The following DTL variants were observed in gnomAD, a reference collection of about 807,000 sequenced individuals.
DTL encodes the protein denticleless E3 ubiquitin protein ligase adapter, also known as denticleless protein homolog.
A neutral mutation model predicts 87.0 loss-of-function variants in DTL; 46 were observed. The observed-to-expected ratio is 0.53, with a 90% confidence interval of 0.42 to 0.68. DTL has a LOEUF of 0.68. Ranked by LOEUF, DTL falls within the 30% of genes least tolerant of loss-of-function variation. The probability of loss-of-function intolerance (pLI) is 0.00; values close to 1 mark genes in which losing one functional copy is unlikely to be tolerated. For missense variants in DTL, 737 were observed against 869.4 expected (o/e 0.85, Z 1.91); for synonymous variants, 308 against 311.2 (o/e 0.99, Z 0.11).
chr1:212,041,982 TATGTCAGGCTAAG>T (rs1042989674), intron 1 of DTL, among the ~76,000 whole-genome samples: 1 of 152,216 alleles, frequency 6.6e-6, no homozygotes, highest in African/African-American at 2.4e-5. Context: ...TGTCTGAGGT[TATGTCAGGCTAAG>T]ATGTATTCTC....
rs550936117 is a variant in DTL, at chr1:212,058,887, C to T, written c.461-3997C>T. On this transcript the variant is annotated intron_variant, in intron 5 of 14. Coordinates refer to ENST00000366991, the MANE Select transcript of DTL (RefSeq NM_016448.4). ...CTGATAATACAGAAATACAAAAGATCATCAGAAACTATTGTGTACAACTAT... is the reference window on the plus strand; with the variant it reads ...CTGATAATACAGAAATACAAAAGATTATCAGAAACTATTGTGTACAACTAT... 3.3e-5 allele frequency among the ~76,000 whole-genome samples: 5 copies of T among 151,970 alleles called. No homozygotes were observed. The East Asian group carries it at 7.7e-4, about 24-fold the overall frequency.
rs552470329 is a variant in DTL, at chr1:212,103,643, A to G, written c.*703A>G. The G allele has an allele frequency of 6.6e-6, 1 of 152,290 alleles. No homozygotes were observed. The highest frequency in any genetic ancestry group is 6.5e-5 in the Admixed American group (1 of 15,288). The allele number at this position is 152,290 out of a possible 1,614,324, so 9.4% of individuals were successfully genotyped here. On this transcript the variant is annotated 3_prime_UTR_variant, in exon 15 of 15. Coordinates refer to ENST00000366991, the MANE Select transcript of DTL (RefSeq NM_016448.4). The stretch of plus-strand genomic sequence containing the variant: ...TTTTTCTCTCAAATATATCTCCCGT[A>G]TGAGATTTCAGGTCCCCATGTTTTC...
intron 10 of DTL, among the ~76,000 whole-genome samples, chr1:212,069,727 G>A (rs963546172): frequency 6.6e-6 from 1 of 151,820 alleles, no homozygotes; most frequent in Non-Finnish European, 1.5e-5. Flanking sequence ...TGTATTTTTA[G>A]TAAAGGCAGG....
chr1:212,063,032 G>A, intron 6 of DTL, 83 bp downstream of exon 6: 4 of 1,045,776 alleles, frequency 3.8e-6, no homozygotes, highest in Non-Finnish European at 5.9e-6. Flanking sequence ...GATTTCATCT[G>A]ATTACCACCA....
intron 11 of DTL, among the ~76,000 whole-genome samples, chr1:212,072,849 C>T (rs370892225): frequency 5.3e-5 from 8 of 151,278 alleles, no homozygotes; most frequent in African/African-American, 1.7e-4. Flanking sequence ...CTGCAAGCTC[C>T]GCCTCCCAGG....
At chr1:212,070,146 C>T (rs1045688972) in intron 10 of DTL, among the ~76,000 whole-genome samples, 12 of 152,130 alleles carry the variant, frequency 7.9e-5, no homozygotes, top group African/African-American at 2.9e-4. Flanking sequence ...ATCAGATGTA[C>T]AAGAGCTCTT....
intron 8 of DTL, 66 bp downstream of exon 8, chr1:212,066,951 A>G (rs1571959751): frequency 1.5e-6 from 2 of 1,319,386 alleles, no homozygotes; most frequent in South Asian, 2.4e-5. Flanking sequence ...AGGCAGTCAC[A>G]TAGTCTCATT....
rs569246498 is a variant in DTL, at chr1:212,102,687, C to T, written c.2095-155C>T. Among the ~76,000 whole-genome samples the T allele has an allele frequency of 3.9e-5, 6 of 152,278 alleles. No homozygotes were observed. In the South Asian group the frequency reaches 1.2e-3, roughly 32 times the overall value. On this transcript the variant is annotated intron_variant, in intron 14 of 14. Coordinates refer to ENST00000366991, the MANE Select transcript of DTL (RefSeq NM_016448.4). ...AGTTTTTACTATAGTCAGTACAAAT[C>T]AGCCAAAAGAGACATTGCCATTGAA...
intron 13 of DTL, among the ~76,000 whole-genome samples, chr1:212,085,644 A>T (rs1439762864): frequency 6.6e-6 from 1 of 151,536 alleles, no homozygotes; most frequent in Admixed American, 6.6e-5. Flanking sequence ...TATAATTTTG[A>T]TGAAGTTCAG....
chr1:212,062,456 A>G (rs1393995294), intron 5 of DTL, among the ~76,000 whole-genome samples: 1 of 152,234 alleles, frequency 6.6e-6, no homozygotes, highest in Non-Finnish European at 1.5e-5. Flanking sequence ...TCATACTGCC[A>G]GGAATACCTT....
intron 13 of DTL, among the ~76,000 whole-genome samples, chr1:212,091,784 T>C (rs1655290166): frequency 6.6e-6 from 1 of 152,220 alleles, no homozygotes; most frequent in Admixed American, 6.5e-5. Context: ...ACTTGAAAAT[T>C]GCTGAGTAGA....
chr1:212,081,687 A>G (rs1004205390), intron 13 of DTL, among the ~76,000 whole-genome samples: 3 of 152,220 alleles, frequency 2.0e-5, no homozygotes, highest in Non-Finnish European at 2.9e-5. Flanking sequence ...TATTTACAAG[A>G]CAGAGCCAAC....
chr1:212,098,677 A>G (rs1571986151), intron 13 of DTL, among the ~76,000 whole-genome samples: 1 of 152,032 alleles, frequency 6.6e-6, no homozygotes, highest in East Asian at 1.9e-4. Context: ...ACACATCACC[A>G]GGGAAATAGG....
At chr1:212,096,450 G>C (rs1655453811) in intron 13 of DTL, among the ~76,000 whole-genome samples, 1 of 152,078 alleles carries the variant, frequency 6.6e-6, no homozygotes, top group Admixed American at 6.6e-5. Context: ...TCTAGTTCTT[G>C]AGGTGTGACC....
intron 13 of DTL, among the ~76,000 whole-genome samples, chr1:212,083,075 A>T (rs921762796): frequency 6.6e-6 from 1 of 152,228 alleles, no homozygotes; most frequent in Admixed American, 6.5e-5. Context: ...CACACTGCTG[A>T]TAAAGACATG....
At chr1:212,045,017 T>C (rs951289509) in intron 3 of DTL, among the ~76,000 whole-genome samples, 2 of 152,194 alleles carry the variant, frequency 1.3e-5, no homozygotes, top group African/African-American at 2.4e-5. Flanking sequence ...AGAGGTCACA[T>C]GGCAAGAGAA....
At chr1:212,036,027 C>A in intron 1 of DTL, 85 bp downstream of exon 1, 1 of 1,309,012 alleles carries the variant, frequency 7.6e-7, no homozygotes, top group Non-Finnish European at 1.1e-6. Flanking sequence ...GGGCCGACTC[C>A]AATTCTGAAC....
At chr1:212,044,622 T>G (rs756203915) in intron 2 of DTL, 38 bp from the exon 3 acceptor site, 14 of 1,244,432 alleles carry the variant, frequency 1.1e-5, no homozygotes, top group Middle Eastern at 2.1e-4. Flanking sequence ...AAAAAAATTG[T>G]GTTACTCTAT....
intron 5 of DTL, among the ~76,000 whole-genome samples, chr1:212,048,782 G>A (rs1305489563): frequency 2.0e-5 from 3 of 150,634 alleles, no homozygotes; most frequent in Non-Finnish European, 4.4e-5. Context: ...CTGAATAATA[G>A]TGACAGACAT....
Sources: allele counts gnomAD v4.1 joint callset (sites outside exome capture counted in the v4.1 genomes callset), GRCh38; gene constraint gnomAD v4.1.1; transcripts MANE v1.5; gene names NCBI Gene and HGNC (gene_info 2026-07-23, HGNC 2026-07-21).